Variants in POGLUT3 observed in about 807,000 individuals in gnomAD.
POGLUT3 encodes protein O-glucosyltransferase 3, also known as KDEL (Lys-Asp-Glu-Leu) containing 2.
Under a neutral mutation model 54.3 loss-of-function variants are expected in POGLUT3, and 48 were observed. That is an observed-to-expected ratio of 0.88 (90% CI 0.70 to 1.12). The LOEUF is 1.12. Among genes scored for constraint, POGLUT3 ranks in the 50% most tolerant of loss-of-function variants. POGLUT3 has a pLI of 0.00. For missense variants in POGLUT3, 629 were observed against 618.7 expected (o/e 1.02, Z -0.18); for synonymous variants, 218 against 237.4 (o/e 0.92, Z 0.75).
rs11212668 is a variant in POGLUT3 at position 108,481,849 on chromosome 11, T to C, written c.901+157A>G. Among the ~76,000 whole-genome samples the C allele has an allele frequency of 6.1e-3, 926 of 152,300 alleles. 6 individuals carry two copies. The highest frequency in any genetic ancestry group is 0.011 in the East Asian group (55 of 5,186). On this transcript the variant is annotated intron_variant, in intron 4 of 7. Coordinates refer to ENST00000323468, the MANE Select transcript of POGLUT3 (RefSeq NM_153705.5). ...CAAAGGGTGACCAGAAAAAACTATA[T>C]AACTGAGGAACATCCACAAATCTTT...
intron 5 of POGLUT3, among the ~76,000 whole-genome samples, chr11:108,480,445 CCTT>C (rs1208797054): frequency 6.6e-6 from 1 of 152,096 alleles, no homozygotes; most frequent in East Asian, 1.9e-4. Flanking sequence ...ATTATTAACC[CCTT>C]CTTTTTGTTT....
At position 108,486,172 on chromosome 11, in the gene POGLUT3, T is replaced by A; in HGVS notation, c.669A>T (p.Leu223Phe). 1 of 1,608,420 alleles carries A rather than the reference T, an allele frequency of 6.2e-7. No individual in the cohort carries two copies. The highest frequency in any genetic ancestry group is 1.7e-5 in the Admixed American group (1 of 59,898). The change falls in exon 3 of 8, where the codon TTA (leucine) becomes TTT (phenylalanine). Residue 223 changes from leucine to phenylalanine, a missense_variant. Physicochemically the swap from Leu to Phe is conservative, Grantham distance 22. Transcript: ENST00000323468. ...DFKMFSDEILLSLTRKVLLPD... is the reference protein window; with the variant it reads ...DFKMFSDEILFSLTRKVLLPD... ...ATTCTCCTACCTTTCTTGTCAATGATAACAAAATCTCATCAGAGAACATCT... is the reference window on the plus strand; with the variant it reads ...ATTCTCCTACCTTTCTTGTCAATGAAAACAAAATCTCATCAGAGAACATCT...
At chr11:108,479,576 AACT>A in intron 5 of POGLUT3, 81 bp from the exon 6 acceptor site, 1 of 940,884 alleles carries the variant, frequency 1.1e-6, no homozygotes, top group East Asian at 2.8e-5. Flanking sequence ...CTGTAATACC[AACT>A]ACAGAGGAAT....
At chr11:108,496,607 A>C (rs2093622686) in intron 1 of POGLUT3, among the ~76,000 whole-genome samples, 1 of 152,220 alleles carries the variant, frequency 6.6e-6, no homozygotes, top group African/African-American at 2.4e-5. Context: ...ATTTTACCTA[A>C]ATGCATATCA....
rs2135871736 is a variant in POGLUT3, at chr11:108,498,258, GC to G, written c.108del (p.Leu39CysfsTer37). On this transcript the variant is annotated frameshift_variant, in exon 1 of 8. Transcript: ENST00000323468. LOFTEE classifies it high-confidence loss of function. ...AGGACGACGGCCGCCTGCAGCCCGG[GC>G]CCCCACACCAGGCTCCGCGGCGCGC... ...LVSAPRSLVW[G>X]PGLQAAVVLP... 1 of 1,502,752 alleles carries G rather than the reference GC, an allele frequency of 6.7e-7. No homozygotes were observed. The allele number at this position is 1,502,752 out of a possible 1,614,324, so 93.1% of individuals were successfully genotyped here. A position where few individuals can be genotyped will look rare whatever the true frequency, so the allele number is the denominator to read the frequency against.
At chr11:108,477,826 C>T in intron 6 of POGLUT3, 115 bp from the exon 7 acceptor site, 11 of 723,216 alleles carry the variant, frequency 1.5e-5, no homozygotes, top group South Asian at 1.3e-4. Context: ...ATGGGAAAGC[C>T]AGAACATAAT....
intron 2 of POGLUT3, among the ~76,000 whole-genome samples, chr11:108,489,108 A>G (rs569795247): frequency 6.6e-6 from 1 of 152,336 alleles, no homozygotes; most frequent in African/African-American, 2.4e-5. Context: ...TACACTGTAT[A>G]GGATTGACAA....
Position 108,473,608 on chromosome 11 carries a change from G to C in POGLUT3, c.*1219C>G, listed in dbSNP as rs907035700. The C allele has an allele frequency of 2.0e-5, 3 of 152,206 alleles. No individual in the cohort carries two copies. Among genetic ancestry groups the C allele is most frequent in the Non-Finnish European group, 4.4e-5 (3 of 68,032 alleles). 9.4% of individuals were successfully genotyped at this position (152,206 alleles called of 1,614,324 possible). ...TGCCTTTGTTCTTGGCCTATTATTA[G>C]TGAATCCCAAGATAGCAGGCTTCCT... is the stretch of plus-strand genomic sequence containing the variant. On this transcript the variant is annotated 3_prime_UTR_variant, in exon 8 of 8. Coordinates refer to ENST00000323468, the MANE Select transcript of POGLUT3 (RefSeq NM_153705.5).
Position 108,473,138 on chromosome 11 carries a change from C to A in POGLUT3, c.*1689G>T, listed in dbSNP as rs2093573127. 1 of 152,238 alleles carries A rather than the reference C, an allele frequency of 6.6e-6. No homozygotes were observed. Among genetic ancestry groups the A allele is most frequent in the African/African-American group, 2.4e-5 (1 of 41,456 alleles). The allele number at this position is 152,238 out of a possible 1,614,324, so 9.4% of individuals were successfully genotyped here. ...GTGGTGTAATCTCAGCTCACTGCAA[C>A]CTCTGCCTCCCAGGTTCAAGTGATT... On this transcript the variant is annotated 3_prime_UTR_variant, in exon 8 of 8. Transcript: ENST00000323468.
At chr11:108,490,838 T>C (rs773906736) in intron 2 of POGLUT3, 132 bp downstream of exon 2, 6 of 575,276 alleles carry the variant, frequency 1.0e-5, no homozygotes, top group Non-Finnish European at 1.5e-5. Flanking sequence ...AAAATTTAAA[T>C]TGAGCTCCAG....
chr11:108,477,670 C>A lies in POGLUT3; in HGVS notation c.1335G>T (p.Gln445His). ...GCTGTAGTAGGTCCCTAGCCATCAA[C>A]TGTCCTTCTTTTGCAATCTTCTTGG... is the stretch of plus-strand genomic sequence containing the variant. ...EEAKKIAKEG[Q>H]LMARDLLQPH... Residue 445 changes from glutamine to histidine, a missense_variant, in exon 7 of 8, where the codon CAG becomes CAT. By Grantham distance (24) the Gln-to-His change is conservative. Coordinates refer to ENST00000323468, the MANE Select transcript of POGLUT3 (RefSeq NM_153705.5). The A allele has an allele frequency of 6.2e-7, 1 of 1,613,432 alleles. No individual in the cohort carries two copies. The highest frequency in any genetic ancestry group is 8.5e-7 in the Non-Finnish European group (1 of 1,179,504).
In POGLUT3 at chr11:108,477,590, G is replaced by T; in HGVS notation, c.1398+17C>A. 6.7e-7 allele frequency: 1 copy of T among 1,499,280 alleles called. No homozygotes were observed. Among genetic ancestry groups the T allele is most frequent in the Non-Finnish European group, 9.3e-7 (1 of 1,078,180 alleles). 92.9% of individuals were successfully genotyped at this position (1,499,280 alleles called of 1,614,324 possible). ...GGACACCCGACCCAGCAGTGTGGAC[G>T]GACACTCTGAACTGACCTGCAGTAC... On this transcript the variant is annotated intron_variant, in intron 7 of 7. Transcript: ENST00000323468.
intron 2 of POGLUT3, among the ~76,000 whole-genome samples, chr11:108,488,551 G>A (rs930664728): frequency 2.0e-5 from 3 of 152,112 alleles, no homozygotes; most frequent in Admixed American, 6.5e-5. Flanking sequence ...AGACTTTGTA[G>A]GACAGAGTAT....
chr11:108,475,551 C>G (rs952289942), intron 7 of POGLUT3, among the ~76,000 whole-genome samples: 1 of 150,806 alleles, frequency 6.6e-6, no homozygotes, highest in Non-Finnish European at 1.5e-5. Flanking sequence ...ACTGCAGCCT[C>G]CAACATCCTA....
intron 3 of POGLUT3, 21 bp from the exon 4 acceptor site, chr11:108,482,243 A>G: frequency 1.3e-6 from 2 of 1,539,316 alleles, no homozygotes; most frequent in South Asian, 2.3e-5. Context: ...ATATAAACAA[A>G]CATCAGTGCT....
In POGLUT3 at chr11:108,477,587, G is replaced by T. The variant is rs753074114; in HGVS notation, c.1398+20C>A. 2.7e-6 allele frequency: 4 copies of T among 1,473,002 alleles called. No homozygotes were observed. Among genetic ancestry groups the T allele is most frequent in the Admixed American group, 3.4e-5 (2 of 58,404 alleles). 91.2% of individuals were successfully genotyped at this position (1,473,002 alleles called of 1,614,324 possible). On this transcript the variant is annotated intron_variant, in intron 7 of 7. Transcript: ENST00000323468. The stretch of plus-strand genomic sequence containing the variant: ...TGAGGACACCCGACCCAGCAGTGTG[G>T]ACGGACACTCTGAACTGACCTGCAG...
At chr11:108,476,191 T>C (rs896257667) in intron 7 of POGLUT3, among the ~76,000 whole-genome samples, 5 of 152,166 alleles carry the variant, frequency 3.3e-5, no homozygotes, top group African/African-American at 1.2e-4. Context: ...TGGAGTGCAG[T>C]GGTGCAATCT....
In POGLUT3 at chr11:108,486,279, C is replaced by T; in HGVS notation, c.562G>A (p.Asp188Asn). 6.2e-7 allele frequency: 1 copy of T among 1,614,152 alleles called. No homozygotes were observed. The highest frequency in any genetic ancestry group is 8.5e-7 in the Non-Finnish European group (1 of 1,180,024). Reference protein sequence around the residue: ...MLKEVPKRFGDERGAIVHYTI... With the variant: ...MLKEVPKRFGNERGAIVHYTI... Reference sequence around the variant, plus strand: ...TAATGAACAATGGCACCTCTCTCATCCCCAAACCTTTTGGGGACTTCTTTT... The same window carrying T: ...TAATGAACAATGGCACCTCTCTCATTCCCAAACCTTTTGGGGACTTCTTTT... The change falls in exon 3 of 8, where the codon GAT becomes AAT. Residue 188 changes from aspartate (D) to asparagine (N), a missense_variant. Physicochemically the swap from Asp to Asn is conservative, Grantham distance 23 (BLOSUM62 1). Transcript: ENST00000323468.
intron 6 of POGLUT3, chr11:108,477,925 G>T: frequency 1.8e-6 from 1 of 543,434 alleles, no homozygotes; most frequent in Non-Finnish European, 3.2e-6. Flanking sequence ...AAAGCTAGAA[G>T]ATCACTTAAG....
Sources: allele counts gnomAD v4.1 joint callset (sites outside exome capture counted in the v4.1 genomes callset), GRCh38; gene constraint gnomAD v4.1.1; transcripts MANE v1.5; gene names NCBI Gene and HGNC (gene_info 2026-07-23, HGNC 2026-07-21).